APCDD1: variants seen among roughly 807,000 people sequenced by gnomAD.
The protein encoded by APCDD1 is APC down-regulated 1, also known as protein APCDD1.
APCDD1 carries 15 observed loss-of-function variants against 38.1 expected under a neutral mutation model. The ratio of observed to expected loss-of-function variants is 0.39; its 90% CI spans 0.26 to 0.61. The LOEUF (loss-of-function observed/expected upper bound fraction) is 0.61, where lower values mean the gene tolerates loss of function less well. Ranked by LOEUF, APCDD1 falls within the 20% of genes least tolerant of loss-of-function variation. The pLI is 0.49. For missense variants in APCDD1, 647 were observed against 696.2 expected (o/e 0.93, Z 0.79); for synonymous variants, 261 against 279.7 (o/e 0.93, Z 0.67).
chr18:10,472,580 T>G lies in APCDD1; in HGVS notation c.774+519T>G, dbSNP rs2030889275. 6.6e-6 allele frequency among the ~76,000 whole-genome samples: 1 copy of G among 152,140 alleles called. No individual in the cohort carries two copies. Among genetic ancestry groups the G allele is most frequent in the African/African-American group, 2.4e-5 (1 of 41,420 alleles). On this transcript the variant is annotated intron_variant, in intron 3 of 4. Transcript: ENST00000355285. This position sits in a 1 kb window ranked among gnomAD's most constrained non-coding sequence, Gnocchi z 6.6. ...GTCACCCTGGTGAGTCCCGACACTC[T>G]TAGGCAGAACAGCCTGCTGAGGTCC...
intron 3 of APCDD1, among the ~76,000 whole-genome samples, chr18:10,484,747 A>T (rs906108725): frequency 4.4e-4 from 67 of 152,356 alleles, no homozygotes; most frequent in African/African-American, 1.5e-3. Context: ...CGGGTGTCAG[A>T]ACTTCCTGCC....
In APCDD1 at chr18:10,485,602, A is replaced by G. The variant is rs772739500; in HGVS notation, c.915A>G (p.Glu305=). 12 of 1,613,856 alleles carry G rather than the reference A, an allele frequency of 7.4e-6. No homozygotes were observed. Among genetic ancestry groups the G allele is most frequent in the Non-Finnish European group, 9.3e-6 (11 of 1,179,994 alleles). ...GCCAGCGCTGTGAGGTGCGCCCCGA[A>G]GTCCTCTTCCTCACCCGCCACTTCA... ...WVSQRCEVRP[E]VLFLTRHFIF... Residue 305 remains glutamate, a synonymous_variant, in exon 4 of 5, where the codon GAA becomes GAG. Coordinates refer to ENST00000355285, the MANE Select transcript of APCDD1 (RefSeq NM_153000.5). This position sits in a 1 kb window ranked among gnomAD's most constrained non-coding sequence, Gnocchi z 5.8.
At position 10,475,318 on chromosome 18, in the gene APCDD1, CTT is replaced by C. The variant is rs1266277664; in HGVS notation, c.774+3259_774+3260del. Among the ~76,000 whole-genome samples, 7 of 152,306 alleles carry C rather than the reference CTT, an allele frequency of 4.6e-5. No homozygotes were observed. The highest frequency in any genetic ancestry group is 3.3e-4 in the Admixed American group (5 of 15,294). On this transcript the variant is annotated intron_variant, in intron 3 of 4. Coordinates refer to ENST00000355285, the MANE Select transcript of APCDD1 (RefSeq NM_153000.5). This position sits in a 1 kb window ranked among gnomAD's most constrained non-coding sequence, Gnocchi z 4.0. ...TACCCAGATTCTTAAGAAATAGACT[CTT>C]TAAATCCCAGGCCTGATTCCTTGAT...
At chr18:10,479,492 G>A (rs754763883) in intron 3 of APCDD1, among the ~76,000 whole-genome samples, 4 of 152,160 alleles carry the variant, frequency 2.6e-5, no homozygotes, top group Non-Finnish European at 4.4e-5. Flanking sequence ...ACAGTGGCAG[G>A]GAACAGAGAA....
Position 10,455,035 on chromosome 18 carries a change from T to A in APCDD1, c.54T>A (p.Leu18=). ...GATACCTGTTCCCGGCCCTCCTGCT[T>A]CACGGTGAGTTCCCGAGGGCCACTC... ...LLRYLFPALL[L]HGLGEGSALL... Residue 18 remains leucine, a synonymous_variant, in exon 1 of 5, where the codon CTT becomes CTA. Transcript: ENST00000355285. The A allele has an allele frequency of 6.4e-7, 1 of 1,564,334 alleles. No individual in the cohort carries two copies. Among genetic ancestry groups the A allele is most frequent in the Non-Finnish European group, 8.7e-7 (1 of 1,154,696 alleles).
intron 2 of APCDD1, 126 bp downstream of exon 2, chr18:10,468,778 A>T: frequency 9.8e-7 from 1 of 1,020,894 alleles, no homozygotes. Flanking sequence ...CCAAGTTCTA[A>T]TGAAGAACCA....
At chr18:10,464,341 C>CACACACAG (rs1208428196) in intron 1 of APCDD1, among the ~76,000 whole-genome samples, 1 of 150,320 alleles carries the variant, frequency 6.7e-6, no homozygotes, top group Non-Finnish European at 1.5e-5. Flanking sequence ...CACACACACA[C>CACACACAG]ACAGACACAC....
Position 10,454,822 on chromosome 18 carries a change from C to G in APCDD1, c.-160C>G. The G allele has an allele frequency of 1.0e-6, 1 of 991,318 alleles. No homozygotes were observed. The allele number at this position is 991,318 out of a possible 1,614,324, so 61.4% of individuals were successfully genotyped here. A position where few individuals can be genotyped will look rare whatever the true frequency, so the allele number is the denominator to read the frequency against. The stretch of plus-strand genomic sequence containing the variant: ...GCCCAGAGAGCGCGCGCCCCGCAGC[C>G]CCGCGCCTAGCCCGCCGGGCATGGG... On this transcript the variant is annotated 5_prime_UTR_variant, in exon 1 of 5. Transcript: ENST00000355285.
chr18:10,485,614 C>T lies in APCDD1; in HGVS notation c.927C>T (p.Leu309=), dbSNP rs2031232845. The change falls in exon 4 of 5, where the codon CTC becomes CTT. Residue 309 remains leucine (L), a synonymous_variant. Coordinates refer to ENST00000355285, the MANE Select transcript of APCDD1 (RefSeq NM_153000.5). The surrounding 1 kb of genome is among the most constrained non-coding windows in gnomAD (Gnocchi z 5.8). ...RCEVRPEVLF[L]TRHFIFHDNN... is the part of the protein sequence containing the mutation. ...AGGTGCGCCCCGAAGTCCTCTTCCT[C>T]ACCCGCCACTTCATCTTCCATGACA... 1.2e-6 allele frequency: 2 copies of T among 1,613,766 alleles called. No homozygotes were observed. Among genetic ancestry groups the T allele is most frequent in the African/African-American group, 1.3e-5 (1 of 74,912 alleles).
At chr18:10,474,897 T>A (rs1252423115) in intron 3 of APCDD1, among the ~76,000 whole-genome samples, 1 of 152,220 alleles carries the variant, frequency 6.6e-6, no homozygotes, top group Non-Finnish European at 1.5e-5. Context: ...GCTGACCTTT[T>A]TAGAATTTAA....
In APCDD1 at chr18:10,468,580, A is replaced by T. The variant is rs372105770; in HGVS notation, c.170A>T (p.Lys57Ile). 1.9e-6 allele frequency: 3 copies of T among 1,614,036 alleles called. No individual in the cohort carries two copies. The highest frequency in any genetic ancestry group is 2.5e-6 in the Non-Finnish European group (3 of 1,180,050). ...GAGTCACAGTGCCATCACATGCTCA[A>T]ACATCTCCACAATGGTGCAAGGATC... ...FKESQCHHMLKHLHNGARITV... is the reference protein window; with the variant it reads ...FKESQCHHMLIHLHNGARITV... Residue 57 changes from lysine to isoleucine, a missense_variant, in exon 2 of 5, where the codon AAA becomes ATA. Transcript: ENST00000355285.
chr18:10,477,541 G>T (rs541261104), intron 3 of APCDD1: 2 of 152,220 alleles, frequency 1.3e-5, no homozygotes, highest in Non-Finnish European at 2.9e-5. Context: ...GGCATGCAAG[G>T]TTGCTTTATT....
At chr18:10,466,160 C>T (rs948356) in intron 1 of APCDD1, among the ~76,000 whole-genome samples, 1,867 of 152,354 alleles carry the variant, frequency 0.012, 37 homozygotes, top group African/African-American at 0.043. Context: ...ATCGATCATA[C>T]TGTTGACCCA....
chr18:10,482,842 C>T (rs1411281172), intron 3 of APCDD1, among the ~76,000 whole-genome samples: 1 of 152,212 alleles, frequency 6.6e-6, no homozygotes, highest in Admixed American at 6.5e-5. Flanking sequence ...ACTCTGGAAC[C>T]TTTACCCCAT....
At chr18:10,486,972 G>C (rs7242591) in intron 4 of APCDD1, among the ~76,000 whole-genome samples, 3 of 152,050 alleles carry the variant, frequency 2.0e-5, no homozygotes, top group Non-Finnish European at 2.9e-5. Context: ...GAAGCTCATC[G>C]TGTTATACAC....
intron 2 of APCDD1, among the ~76,000 whole-genome samples, chr18:10,468,865 T>C (rs942631161): frequency 2.6e-5 from 4 of 152,266 alleles, no homozygotes; most frequent in South Asian, 2.1e-4. Flanking sequence ...GCAGAGATTA[T>C]ATTGTACTCC....
rs1477587878 is a variant in APCDD1, at chr18:10,468,585, C to A, written c.175C>A (p.Leu59Ile). Residue 59 changes from leucine to isoleucine, a missense_variant, in exon 2 of 5, where the codon CTC (leucine) becomes ATC (isoleucine). Physicochemically the swap from Leu to Ile is conservative, Grantham distance 5. Transcript: ENST00000355285. ...ACAGTGCCATCACATGCTCAAACAT[C>A]TCCACAATGGTGCAAGGATCACAGT... The part of the protein sequence containing the change: ...ESQCHHMLKH[L>I]HNGARITVQM... 1.9e-6 allele frequency: 3 copies of A among 1,614,008 alleles called. No individual in the cohort carries two copies. The highest frequency in any genetic ancestry group is 2.5e-6 in the Non-Finnish European group (3 of 1,180,056).
In APCDD1 at chr18:10,454,724, C is replaced by T. The variant is rs2030319404; in HGVS notation, c.-258C>T. 1.9e-5 allele frequency: 19 copies of T among 981,858 alleles called. No individual in the cohort carries two copies. The highest frequency in any genetic ancestry group is 2.3e-5 in the Non-Finnish European group (19 of 828,978). The allele number at this position is 981,858 out of a possible 1,614,324, so 60.8% of individuals were successfully genotyped here. ...CCGGGGCGGGACGCGGGGCCGGGCG[C>T]GGAGAAGTCGGGGCGGGCGGCAGAG... is the stretch of plus-strand genomic sequence containing the variant. On this transcript the variant is annotated 5_prime_UTR_variant, in exon 1 of 5. Transcript: ENST00000355285.
chr18:10,459,841 G>A (rs2030484753), intron 1 of APCDD1, among the ~76,000 whole-genome samples: 1 of 131,556 alleles, frequency 7.6e-6, no homozygotes, highest in Non-Finnish European at 1.6e-5. Context: ...CACATTTTAT[G>A]TATCACAACA....
Sources: gnomAD v4.1 joint callset for allele counts (sites outside exome capture counted in the v4.1 genomes callset) on GRCh38, gnomAD v4.1.1 for gene constraint, Gnocchi (gnomAD v3.1) non-coding constraint, MANE v1.5 for transcripts, NCBI Gene and HGNC (gene_info 2026-07-23, HGNC 2026-07-21) for gene names.